LDB2: variants seen among roughly 807,000 people sequenced by gnomAD.
LDB2 encodes the protein LIM domain-binding protein 2.
LDB2 carries 12 observed loss-of-function variants against 44.3 expected under a neutral mutation model. That is an observed-to-expected ratio of 0.27 (90% CI 0.17 to 0.44). The LOEUF (loss-of-function observed/expected upper bound fraction) is 0.44. Among genes scored for constraint, LDB2 ranks in the 20% least tolerant of loss-of-function variants. The pLI, the probability that LDB2 is intolerant of heterozygous loss-of-function variation, is 1.00. For missense variants in LDB2, 344 were observed against 473.5 expected (o/e 0.73, Z 2.54); for synonymous variants, 164 against 174.8 (o/e 0.94, Z 0.49).
intron 2 of LDB2, among the ~76,000 whole-genome samples, chr4:16,699,505 T>C (rs1000354885): frequency 2.6e-5 from 4 of 152,192 alleles, no homozygotes; most frequent in African/African-American, 9.6e-5. Flanking sequence ...ACTTTTATTG[T>C]GTAATTAGGT....
At chr4:16,885,154 TAAAA>T (rs57704740) in intron 1 of LDB2, among the ~76,000 whole-genome samples, 3 of 94,836 alleles carry the variant, frequency 3.2e-5, no homozygotes, top group Admixed American at 1.2e-4. Context: ...ATACCACTTC[TAAAA>T]AAAAAAAAAA....
intron 5 of LDB2, among the ~76,000 whole-genome samples, chr4:16,559,282 G>C (rs1286224912): frequency 6.6e-6 from 1 of 152,136 alleles, no homozygotes; most frequent in Non-Finnish European, 1.5e-5. Context: ...ATTGGATAAA[G>C]AGTCAAGATC....
At position 16,508,490 on chromosome 4, in the gene LDB2, A is replaced by G. The variant is rs753756886; in HGVS notation, c.891+45T>C. ...TTTAATTTGGGCCCTTTGAGTAGGA[A>G]GCAGACAGTTAGGATTTCGGGCCTA... On this transcript the variant is annotated intron_variant, in intron 7 of 7. Coordinates refer to ENST00000304523, the MANE Select transcript of LDB2 (RefSeq NM_001290.5). 23 of 1,468,108 alleles carry G rather than the reference A, an allele frequency of 1.6e-5. No individual in the cohort carries two copies. The South Asian group carries it at 3.0e-4, about 19-fold the overall frequency. The allele number at this position is 1,468,108 out of a possible 1,614,324, so 90.9% of individuals were successfully genotyped here.
At chr4:16,781,884 T>C (rs534731647) in intron 1 of LDB2, among the ~76,000 whole-genome samples, 1 of 152,130 alleles carries the variant, frequency 6.6e-6, no homozygotes, top group African/African-American at 2.4e-5. Context: ...GAGGTAAAGG[T>C]TGGAGTGTCA....
chr4:16,754,374 A>C (rs1214101940), intron 2 of LDB2, among the ~76,000 whole-genome samples: 1 of 152,228 alleles, frequency 6.6e-6, no homozygotes, highest in East Asian at 1.9e-4. Flanking sequence ...AGTCCTGCCC[A>C]GTGGGAAGCC....
rs528737580 is a variant in LDB2 at position 16,660,872 on chromosome 4, G to A, written c.236-64997C>T. On this transcript the variant is annotated intron_variant, in intron 2 of 7. Transcript: ENST00000304523. Reference sequence around the variant, plus strand: ...AAGGATTGCATAAATCAGTTGGAGTGTGGCCCAGTCTAATTCAGCCTCAGG... The same window carrying A: ...AAGGATTGCATAAATCAGTTGGAGTATGGCCCAGTCTAATTCAGCCTCAGG... Among the ~76,000 whole-genome samples, 3 of 152,274 alleles carry A rather than the reference G, an allele frequency of 2.0e-5. No homozygotes were observed. In the South Asian group the frequency reaches 6.2e-4, roughly 32 times the overall value.
chr4:16,866,840 G>A (rs1482140096), intron 1 of LDB2, among the ~76,000 whole-genome samples: 3 of 152,146 alleles, frequency 2.0e-5, no homozygotes, highest in Non-Finnish European at 4.4e-5. Context: ...TGCAGAGTAT[G>A]GCAAATTGTA....
intron 1 of LDB2, among the ~76,000 whole-genome samples, chr4:16,810,854 A>C (rs897929636): frequency 3.9e-5 from 6 of 152,192 alleles, no homozygotes; most frequent in African/African-American, 1.4e-4. Flanking sequence ...TAAACTTTTC[A>C]GTCTACTCAT....
chr4:16,885,255 G>A lies in LDB2; in HGVS notation c.132+13099C>T, dbSNP rs144704818. Among the ~76,000 whole-genome samples the A allele has an allele frequency of 3.3e-3, 497 of 151,644 alleles. 12 individuals carry two copies. The highest frequency in any genetic ancestry group is 1.0e-3 in the Non-Finnish European group (68 of 67,924). On this transcript the variant is annotated intron_variant, in intron 1 of 7. Transcript: ENST00000304523. ...GGAAGCTAAGGTGTGAGAAATTCGA[G>A]TCTTGGAGGTCGAGGCTGCAGTGAG...
chr4:16,639,150 A>G (rs1734451033), intron 2 of LDB2, among the ~76,000 whole-genome samples: 1 of 152,164 alleles, frequency 6.6e-6, no homozygotes, highest in Admixed American at 6.5e-5. Flanking sequence ...TTGGTTTCAC[A>G]TTTTTCCCCC....
chr4:16,787,647 C>T (rs1490363808), intron 1 of LDB2, among the ~76,000 whole-genome samples: 6 of 152,074 alleles, frequency 3.9e-5, no homozygotes, highest in South Asian at 2.1e-4. Flanking sequence ...ACAAGATGAA[C>T]TATAAGCAAA....
At chr4:16,835,053 C>T (rs189395087) in intron 1 of LDB2, among the ~76,000 whole-genome samples, 38 of 152,252 alleles carry the variant, frequency 2.5e-4, no homozygotes, top group Non-Finnish European at 4.4e-4. Flanking sequence ...ATCCCAGTGG[C>T]TTGGTTATTA....
chr4:16,502,596 A>G lies in LDB2; in HGVS notation c.*47T>C, dbSNP rs776718533. ...CTGTAAGTAAAGATTTGCAATTGTA[A>G]TGATCACCCACGGGCCTATTGACAG... On this transcript the variant is annotated 3_prime_UTR_variant, in exon 8 of 8. Transcript: ENST00000304523. 15 of 1,597,464 alleles carry G rather than the reference A, an allele frequency of 9.4e-6. No individual in the cohort carries two copies. The highest frequency in any genetic ancestry group is 6.7e-5 in the African/African-American group (5 of 74,492).
At chr4:16,849,466 A>G (rs1787756653) in intron 1 of LDB2, among the ~76,000 whole-genome samples, 1 of 152,266 alleles carries the variant, frequency 6.6e-6, no homozygotes, top group Admixed American at 6.5e-5. Flanking sequence ...TAATACCGAT[A>G]GAATGAATGT....
intron 1 of LDB2, among the ~76,000 whole-genome samples, chr4:16,845,198 G>A (rs1441859957): frequency 6.6e-6 from 1 of 152,196 alleles, no homozygotes; most frequent in Non-Finnish European, 1.5e-5. Context: ...TTCCAGGGGA[G>A]AAGTGGAATG....
intron 1 of LDB2, among the ~76,000 whole-genome samples, chr4:16,880,204 C>T (rs1046268801): frequency 3.3e-5 from 5 of 152,126 alleles, no homozygotes; most frequent in Non-Finnish European, 5.9e-5. Flanking sequence ...CTTAAAAATT[C>T]TTCATGGGTC....
chr4:16,623,104 C>T (rs190194210), intron 2 of LDB2, among the ~76,000 whole-genome samples: 20 of 152,188 alleles, frequency 1.3e-4, no homozygotes, highest in Non-Finnish European at 2.1e-4. Flanking sequence ...AGCCAATTTC[C>T]TGGAATGCAG....
rs536837239 is a variant in LDB2, at chr4:16,512,167, G to A, written c.616-63C>T. On this transcript the variant is annotated intron_variant, in intron 5 of 7. Coordinates refer to ENST00000304523, the MANE Select transcript of LDB2 (RefSeq NM_001290.5). ...CATAACACTAATTACAATAAATAATGCTAACAGCTGGAATCAAGTAGACAG... is the reference window on the plus strand; with the variant it reads ...CATAACACTAATTACAATAAATAATACTAACAGCTGGAATCAAGTAGACAG... 14 of 1,401,516 alleles carry A rather than the reference G, an allele frequency of 1.0e-5. No individual in the cohort carries two copies. In the African/African-American group the frequency reaches 1.6e-4, roughly 16 times the overall value. The allele number at this position is 1,401,516 out of a possible 1,614,324, so 86.8% of individuals were successfully genotyped here.
At chr4:16,785,658 G>T (rs1158906042) in intron 1 of LDB2, among the ~76,000 whole-genome samples, 1 of 152,180 alleles carries the variant, frequency 6.6e-6, no homozygotes, top group Non-Finnish European at 1.5e-5. Context: ...ATGGCAGATA[G>T]ACAGGGTGGC....
Sources: allele counts gnomAD v4.1 joint callset (sites outside exome capture counted in the v4.1 genomes callset), GRCh38; gene constraint gnomAD v4.1.1; transcripts MANE v1.5; gene names NCBI Gene and HGNC (gene_info 2026-07-23, HGNC 2026-07-21).